The following DISP1 variants were observed in gnomAD, a reference collection of about 807,000 sequenced individuals.
The protein encoded by DISP1 is dispatched RND transporter family member 1, also known as protein dispatched homolog 1.
Under a neutral mutation model 37.3 loss-of-function variants are expected in DISP1, and 30 were observed. The ratio of observed to expected loss-of-function variants is 0.80; its 90% confidence interval spans 0.60 to 1.09. The LOEUF is 1.09. Among genes scored for constraint, DISP1 ranks in the 50% least tolerant of loss-of-function variants. DISP1 has a pLI of 0.00. For missense variants in DISP1, 1,598 were observed against 1,879.5 expected (o/e 0.85, Z 2.77); for synonymous variants, 634 against 690.2 (o/e 0.92, Z 1.28).
At chr1:222,819,042 T>C (rs929714187) in intron 1 of DISP1, among the ~76,000 whole-genome samples, 1 of 152,164 alleles carries the variant, frequency 6.6e-6, no homozygotes, top group African/African-American at 2.4e-5. Context: ...TGGTAGGTGA[T>C]TGGATCATGG....
At chr1:222,951,995 C>G (rs896187551) in intron 3 of DISP1, among the ~76,000 whole-genome samples, 2 of 152,142 alleles carry the variant, frequency 1.3e-5, no homozygotes, top group Non-Finnish European at 2.9e-5. Flanking sequence ...TAAAAGAGAA[C>G]TAGACTATAC....
chr1:222,872,090 T>G (rs1184081857), intron 1 of DISP1, among the ~76,000 whole-genome samples: 1 of 152,220 alleles, frequency 6.6e-6, no homozygotes, highest in Admixed American at 6.5e-5. Flanking sequence ...TGGATTACGT[T>G]TATTGATTTT....
chr1:222,947,041 T>C (rs1674838745), intron 3 of DISP1, among the ~76,000 whole-genome samples: 1 of 152,218 alleles, frequency 6.6e-6, no homozygotes, highest in Non-Finnish European at 1.5e-5. Context: ...TAAAACTTAA[T>C]ATTTTAACCA....
chr1:222,946,576 A>G (rs974385564), intron 3 of DISP1, among the ~76,000 whole-genome samples: 1 of 152,116 alleles, frequency 6.6e-6, no homozygotes, highest in Admixed American at 6.5e-5. Context: ...CTGAATTCTT[A>G]TATGTGCCAG....
At chr1:222,828,305 G>A (rs947478367) in intron 1 of DISP1, among the ~76,000 whole-genome samples, 4 of 152,030 alleles carry the variant, frequency 2.6e-5, no homozygotes, top group Admixed American at 6.6e-5. Context: ...AACTGTGTTG[G>A]AAGTTTTCTG....
intron 1 of DISP1, among the ~76,000 whole-genome samples, chr1:222,863,846 A>G (rs1190617267): frequency 6.6e-6 from 1 of 152,158 alleles, no homozygotes; most frequent in Admixed American, 6.6e-5. Flanking sequence ...TTTGTCTTAA[A>G]TGTTCCTTGA....
intron 1 of DISP1, among the ~76,000 whole-genome samples, chr1:222,848,841 A>G (rs2125304879): frequency 6.6e-6 from 1 of 152,318 alleles, no homozygotes; most frequent in Admixed American, 6.5e-5. Flanking sequence ...TCAGAGCTCT[A>G]CACATTCACT....
chr1:222,845,416 C>A (rs1667845963), intron 1 of DISP1, among the ~76,000 whole-genome samples: 1 of 152,116 alleles, frequency 6.6e-6, no homozygotes, highest in African/African-American at 2.4e-5. Flanking sequence ...CTTAAAAGGA[C>A]TCTTGAAAGA....
chr1:222,873,423 G>A (rs992843101), intron 1 of DISP1, among the ~76,000 whole-genome samples: 17 of 151,586 alleles, frequency 1.1e-4, no homozygotes, highest in Non-Finnish European at 2.4e-4. Context: ...CTCTTTGTAG[G>A]TCTCTAAGGA....
chr1:222,870,509 G>A (rs548742040), intron 1 of DISP1, among the ~76,000 whole-genome samples: 9 of 152,224 alleles, frequency 5.9e-5, no homozygotes, highest in East Asian at 1.9e-4. Context: ...GTATCTTATC[G>A]TGGTTTTGAT....
chr1:222,871,680 AT>A (rs1437910459), intron 1 of DISP1, among the ~76,000 whole-genome samples: 3 of 152,162 alleles, frequency 2.0e-5, no homozygotes, highest in Non-Finnish European at 1.5e-5. Context: ...GCTTAAGGAG[AT>A]TTTGGGCTGA....
At position 223,005,589 on chromosome 1, in the gene DISP1, A is replaced by G; in HGVS notation, c.4192A>G (p.Ser1398Gly). The change falls in exon 9 of 9, where the codon AGC becomes GGC. Residue 1398 changes from serine to glycine, a missense_variant. Physicochemically the swap from Ser to Gly is moderately conservative, Grantham distance 56. Transcript: ENST00000675850. ...MAEPSSFVCR[S>G]TGSLLKTCCD... is the part of the protein sequence containing the mutation. ...AGAGCCATCGTCATTTGTCTGCAGA[A>G]GCACTGGATCGTTACTCAAAACGTG... is the stretch of plus-strand genomic sequence containing the variant. The G allele has an allele frequency of 6.2e-7, 1 of 1,614,194 alleles. No individual in the cohort carries two copies. Among genetic ancestry groups the G allele is most frequent in the South Asian group, 1.1e-5 (1 of 91,078 alleles).
At chr1:222,924,000 A>G (rs1031087418) in intron 1 of DISP1, among the ~76,000 whole-genome samples, 3 of 152,172 alleles carry the variant, frequency 2.0e-5, no homozygotes, top group African/African-American at 4.8e-5. Context: ...ATGTCAGACT[A>G]TGGAAGACCG....
At chr1:222,984,868 G>A (rs1024385389) in intron 4 of DISP1, among the ~76,000 whole-genome samples, 1 of 152,020 alleles carries the variant, frequency 6.6e-6, no homozygotes, top group Non-Finnish European at 1.5e-5. Context: ...TAAGTACCTC[G>A]TATGAGTCGA....
At chr1:222,822,229 A>G (rs1663122733) in intron 1 of DISP1, among the ~76,000 whole-genome samples, 1 of 152,192 alleles carries the variant, frequency 6.6e-6, no homozygotes, top group Non-Finnish European at 1.5e-5. Context: ...AGACCTGGAA[A>G]CCATTTCACT....
chr1:222,999,253 A>G (rs1679279020), intron 8 of DISP1, among the ~76,000 whole-genome samples: 1 of 152,184 alleles, frequency 6.6e-6, no homozygotes, highest in South Asian at 2.1e-4. Flanking sequence ...GTGAATAACT[A>G]GAATTAGAAG....
At chr1:222,940,134 AAAG>A (rs1674277512) in intron 2 of DISP1, among the ~76,000 whole-genome samples, 1 of 151,864 alleles carries the variant, frequency 6.6e-6, no homozygotes, top group Admixed American at 6.6e-5. Flanking sequence ...TCAAAAAAAA[AAAG>A]AAAAGAAAAA....
intron 1 of DISP1, among the ~76,000 whole-genome samples, chr1:222,842,216 T>G (rs1667649335): frequency 6.6e-6 from 1 of 152,194 alleles, no homozygotes. Context: ...TTTGTGATAT[T>G]TTTTGGTATT....
chr1:222,897,420 G>T (rs1172389565), intron 1 of DISP1, among the ~76,000 whole-genome samples: 1 of 152,070 alleles, frequency 6.6e-6, no homozygotes, highest in Non-Finnish European at 1.5e-5. Context: ...TCTATTCGTT[G>T]TCAAAACTCA....
Sources: gnomAD v4.1 joint callset for allele counts (sites outside exome capture counted in the v4.1 genomes callset) on GRCh38, gnomAD v4.1.1 for gene constraint, MANE v1.5 for transcripts, NCBI Gene and HGNC (gene_info 2026-07-23, HGNC 2026-07-21) for gene names.